CCDC102A: variants seen among roughly 807,000 people sequenced by gnomAD.
CCDC102A encodes the protein coiled-coil domain containing 102A.
Under a neutral mutation model 55.5 loss-of-function variants are expected in CCDC102A, and 40 were observed. That is an observed-to-expected ratio of 0.72 (90% CI 0.56 to 0.94). CCDC102A has a LOEUF of 0.94. CCDC102A is among the 40% of genes least tolerant of loss of function. CCDC102A has a pLI of 0.00. For synonymous variants in CCDC102A, 323 were observed against 339.0 expected (o/e 0.95, Z 0.52); for missense variants, 779 against 768.6 (o/e 1.01, Z -0.16).
Position 57,512,697 on chromosome 16 carries a change from T to A in CCDC102A, c.*44A>T. 1 of 1,586,506 alleles carries A rather than the reference T, an allele frequency of 6.3e-7. No individual in the cohort carries two copies. Among genetic ancestry groups the A allele is most frequent in the Non-Finnish European group, 8.6e-7 (1 of 1,165,306 alleles). On this transcript the variant is annotated 3_prime_UTR_variant, in exon 9 of 9. Coordinates refer to ENST00000258214, the MANE Select transcript of CCDC102A (RefSeq NM_033212.4). ...TTGAGTGGCTGGTTAGCCTGGACCC[T>A]GGGCAGGTATGGGGCGGCCCATCCT...
Position 57,516,983 on chromosome 16 carries a change from T to A in CCDC102A, c.1249-520A>T, listed in dbSNP as rs1342163328. ...AATGGGAATAGGCATTGCCTAAAGGTCTCTTGAGTCCATCCTTTTTGTTCC... is the reference window on the plus strand; with the variant it reads ...AATGGGAATAGGCATTGCCTAAAGGACTCTTGAGTCCATCCTTTTTGTTCC... On this transcript the variant is annotated intron_variant, in intron 6 of 8. Coordinates refer to ENST00000258214, the MANE Select transcript of CCDC102A (RefSeq NM_033212.4). The surrounding 1 kb of genome is among the most constrained non-coding windows in gnomAD (Gnocchi z 4.4). Among the ~76,000 whole-genome samples the A allele has an allele frequency of 6.6e-6, 1 of 152,076 alleles. No homozygotes were observed. The highest frequency in any genetic ancestry group is 1.5e-5 in the Non-Finnish European group (1 of 68,010).
Position 57,516,218 on chromosome 16 carries a change from G to A in CCDC102A, c.1419+75C>T. 6.8e-7 allele frequency: 1 copy of A among 1,468,964 alleles called. No individual in the cohort carries two copies. Among genetic ancestry groups the A allele is most frequent in the Non-Finnish European group, 9.3e-7 (1 of 1,077,890 alleles). 91.0% of individuals were successfully genotyped at this position (1,468,964 alleles called of 1,614,324 possible). A position where few individuals can be genotyped will look rare whatever the true frequency, so the allele number is the denominator to read the frequency against. ...GGCACCAGGGGCTGAGAATGGAGAA[G>A]CCAGGATGGCCCTGCGGCCCCCACT... On this transcript the variant is annotated intron_variant, in intron 7 of 8. Coordinates refer to ENST00000258214, the MANE Select transcript of CCDC102A (RefSeq NM_033212.4). This position sits in a 1 kb window ranked among gnomAD's most constrained non-coding sequence, Gnocchi z 4.4.
At chr16:57,525,221 G>A (rs1377011506) in intron 3 of CCDC102A, among the ~76,000 whole-genome samples, 1 of 152,078 alleles carries the variant, frequency 6.6e-6, no homozygotes, top group Admixed American at 6.5e-5. Context: ...TCAGCCTCCT[G>A]AGTAGCTGGG....
rs762808880 is a variant in CCDC102A, at chr16:57,515,434, G to C, written c.1430C>G (p.Ala477Gly). The C allele has an allele frequency of 1.0e-5, 16 of 1,602,424 alleles. No individual in the cohort carries two copies. In the African/African-American group the frequency reaches 1.6e-4, roughly 16 times the overall value. The stretch of plus-strand genomic sequence containing the variant: ...CTGCAGCTTACGTGCCTGGTTGTGG[G>C]CCTCGTCCAGCTGTGGGGGTGAGCA... The part of the protein sequence containing the change: ...LAQAEDELDE[A>G]HNQARKLQRS... The change falls in exon 8 of 9, where the codon GCC becomes GGC. Residue 477 changes from alanine (A) to glycine (G), a missense_variant. Transcript: ENST00000258214.
chr16:57,512,800 C>G lies in CCDC102A; in HGVS notation c.1594G>C (p.Ala532Pro). ...TCCAGGTCACTGGTTCCATCCTCGGCCTCCTCGGTGCCAAAGCGAGCACTG... is the reference window on the plus strand; with the variant it reads ...TCCAGGTCACTGGTTCCATCCTCGGGCTCCTCGGTGCCAAAGCGAGCACTG... ...IRSARFGTEE[A>P]EDGTSDLDED... Residue 532 changes from alanine to proline, a missense_variant, in exon 9 of 9, where the codon GCC (alanine) becomes CCC (proline). Coordinates refer to ENST00000258214, the MANE Select transcript of CCDC102A (RefSeq NM_033212.4). 6.2e-7 allele frequency: 1 copy of G among 1,614,146 alleles called. No individual in the cohort carries two copies. The highest frequency in any genetic ancestry group is 8.5e-7 in the Non-Finnish European group (1 of 1,179,988).
chr16:57,530,533 A>G (rs1428364184), intron 1 of CCDC102A, among the ~76,000 whole-genome samples: 2 of 151,758 alleles, frequency 1.3e-5, no homozygotes, highest in Admixed American at 6.6e-5. Context: ...GCAGCCCTCT[A>G]TGTCCCCTCT....
intron 2 of CCDC102A, among the ~76,000 whole-genome samples, chr16:57,526,993 G>A (rs1598076494): frequency 6.6e-6 from 1 of 152,314 alleles, no homozygotes; most frequent in South Asian, 2.1e-4. Context: ...TCCTGCCACT[G>A]CCCACAGCCC....
At position 57,521,095 on chromosome 16, in the gene CCDC102A, G is replaced by T; in HGVS notation, c.894C>A (p.Ser298Arg). 2 of 1,613,544 alleles carry T rather than the reference G, an allele frequency of 1.2e-6. No homozygotes were observed. The highest frequency in any genetic ancestry group is 1.7e-6 in the Non-Finnish European group (2 of 1,179,906). The change falls in exon 4 of 9, where the codon AGC becomes AGA. Residue 298 changes from serine (S) to arginine (R), a missense_variant. Transcript: ENST00000258214. ...GCTTGAGCATCTCCTGCTTGGTCTT[G>T]CTCAGCTCCTCATACTTGATCTTCC... ...SQWKIKYEEL[S>R]KTKQEMLKQL...
Position 57,529,455 on chromosome 16 carries a change from A to G in CCDC102A, c.-147-131T>C, listed in dbSNP as rs538284755. 2.7e-4 allele frequency: 51 copies of G among 191,994 alleles called. No homozygotes were observed. The Admixed American group carries it at 2.8e-3, about 11-fold the overall frequency. 11.9% of individuals were successfully genotyped at this position (191,994 alleles called of 1,614,324 possible). ...AGAGTTCTGTTCCAGGAGAGTCCCA[A>G]TGAGGCAGGATTGGTGGAGCAAGGG... On this transcript the variant is annotated intron_variant, in intron 1 of 8. Transcript: ENST00000258214. The surrounding 1 kb of genome is among the most constrained non-coding windows in gnomAD (Gnocchi z 4.1).
At position 57,524,381 on chromosome 16, in the gene CCDC102A, T is replaced by A. The variant is rs888227245; in HGVS notation, c.812+1520A>T. On this transcript the variant is annotated intron_variant, in intron 3 of 8. Coordinates refer to ENST00000258214, the MANE Select transcript of CCDC102A (RefSeq NM_033212.4). ...CTCCCCACAATGTGAGCTGGGCACT[T>A]GCACTTGGATAGGGAATGCAGTTCC... Among the ~76,000 whole-genome samples the A allele has an allele frequency of 7.9e-5, 12 of 152,024 alleles. No individual in the cohort carries two copies. In the East Asian group the frequency reaches 2.3e-3, roughly 29 times the overall value.
Position 57,512,500 on chromosome 16 carries a change from A to C in CCDC102A, c.*241T>G, listed in dbSNP as rs2031879239. ...TATTTATAAAACCAAATGGGTCCAAAGACTTCTGGGTGTGCGCGCGCGCGC... is the reference window on the plus strand; with the variant it reads ...TATTTATAAAACCAAATGGGTCCAACGACTTCTGGGTGTGCGCGCGCGCGC... On this transcript the variant is annotated 3_prime_UTR_variant, in exon 9 of 9. Coordinates refer to ENST00000258214, the MANE Select transcript of CCDC102A (RefSeq NM_033212.4). The C allele has an allele frequency of 4.6e-6, 2 of 436,478 alleles. No individual in the cohort carries two copies. Among genetic ancestry groups the C allele is most frequent in the South Asian group, 1.5e-4 (2 of 13,516 alleles). The allele number at this position is 436,478 out of a possible 1,614,324, so 27.0% of individuals were successfully genotyped here.
intron 6 of CCDC102A, among the ~76,000 whole-genome samples, chr16:57,517,322 G>A (rs1420935734): frequency 6.6e-6 from 1 of 152,092 alleles, no homozygotes; most frequent in Non-Finnish European, 1.5e-5. Flanking sequence ...GTTAACGGCT[G>A]CTTTTCCTGG....
At position 57,519,194 on chromosome 16, in the gene CCDC102A, C is replaced by T. The variant is rs142417361; in HGVS notation, c.922-453G>A. ...AGGCACCAGGGACTCCTTTCTGTTC[C>T]TCAGACACACCAAGTTCCTGCCCAC... On this transcript the variant is annotated intron_variant, in intron 4 of 8. Coordinates refer to ENST00000258214, the MANE Select transcript of CCDC102A (RefSeq NM_033212.4). Among the ~76,000 whole-genome samples the T allele has an allele frequency of 5.1e-3, 784 of 152,334 alleles. 5 individuals carry two copies. Among genetic ancestry groups the T allele is most frequent in the African/African-American group, 0.018 (761 of 41,570 alleles).
At chr16:57,522,422 C>T (rs1461893880) in intron 3 of CCDC102A, among the ~76,000 whole-genome samples, 1 of 152,108 alleles carries the variant, frequency 6.6e-6, no homozygotes, top group Non-Finnish European at 1.5e-5. Flanking sequence ...ACCCCAGGCT[C>T]ATCTCTTAAA....
At chr16:57,533,909 G>A (rs568222752) in intron 1 of CCDC102A, among the ~76,000 whole-genome samples, 5 of 152,126 alleles carry the variant, frequency 3.3e-5, no homozygotes, top group Non-Finnish European at 5.9e-5. Flanking sequence ...TGCGTGGGGC[G>A]TGGCCTCCTG....
chr16:57,526,669 C>G (rs1490002949), intron 2 of CCDC102A, among the ~76,000 whole-genome samples: 3 of 152,166 alleles, frequency 2.0e-5, no homozygotes, highest in African/African-American at 7.2e-5. Flanking sequence ...TCCGCCCCGC[C>G]CATCTCCAAG....
chr16:57,532,305 C>T (rs1335992733), intron 1 of CCDC102A, among the ~76,000 whole-genome samples: 4 of 152,258 alleles, frequency 2.6e-5, no homozygotes, highest in East Asian at 1.9e-4. Context: ...ATGTACACCC[C>T]GACCCTGATA....
At chr16:57,533,359 C>G (rs568859108) in intron 1 of CCDC102A, among the ~76,000 whole-genome samples, 1 of 152,148 alleles carries the variant, frequency 6.6e-6, no homozygotes, top group Non-Finnish European at 1.5e-5. Flanking sequence ...GAATCCTGCA[C>G]TCCCACATAG....
chr16:57,524,131 T>G (rs191741641), intron 3 of CCDC102A, among the ~76,000 whole-genome samples: 18 of 152,116 alleles, frequency 1.2e-4, no homozygotes, highest in South Asian at 1.0e-3. Flanking sequence ...TGTTTCTATC[T>G]GCAGAAACAT....
Sources: allele counts gnomAD v4.1 joint callset (sites outside exome capture counted in the v4.1 genomes callset), GRCh38; gene constraint gnomAD v4.1.1; non-coding constraint Gnocchi (gnomAD v3.1); transcripts MANE v1.5; gene names NCBI Gene and HGNC (gene_info 2026-07-23, HGNC 2026-07-21).